ACACA: variants seen among roughly 807,000 people sequenced by gnomAD.
The protein encoded by ACACA is acetyl-CoA carboxylase 1.
ACACA carries 103 observed loss-of-function variants against 296.1 expected under a neutral mutation model. The observed-to-expected ratio is 0.35, with a 90% CI of 0.30 to 0.41. The LOEUF is 0.41. ACACA is among the 10% of genes least tolerant of loss of function. The pLI, the probability that ACACA is intolerant of heterozygous loss-of-function variation, is 1.00. For synonymous variants in ACACA, 953 were observed against 1,038.6 expected, an observed-to-expected ratio of 0.92 and a Z score of 1.58; for missense variants, 1,554 against 2,989.7, an observed-to-expected ratio of 0.52 and a Z score of 11.20.
chr17:37,148,939 T>G (rs565498428), intron 45 of ACACA, among the ~76,000 whole-genome samples: 10 of 152,266 alleles, frequency 6.6e-5, no homozygotes, highest in Middle Eastern at 6.8e-3. Context: ...CTTTGACAGA[T>G]AAGAAAGCTG....
Position 37,086,980 on chromosome 17 carries a change from T to C in ACACA, c.*336A>G. Reference sequence around the variant, plus strand: ...CCCATGCTGGGAGGCCAAGGGGCTGTCAGGACAGGAGGGGCAGCCCTACTT... The same window carrying C: ...CCCATGCTGGGAGGCCAAGGGGCTGCCAGGACAGGAGGGGCAGCCCTACTT... On this transcript the variant is annotated 3_prime_UTR_variant, in exon 56 of 56. Transcript: ENST00000616317. 1 of 386,570 alleles carries C rather than the reference T, an allele frequency of 2.6e-6. No homozygotes were observed. The highest frequency in any genetic ancestry group is 4.9e-6 in the Non-Finnish European group (1 of 202,838). 23.9% of individuals were successfully genotyped at this position (386,570 alleles called of 1,614,324 possible). A position where few individuals can be genotyped will look rare whatever the true frequency, so the allele number is the denominator to read the frequency against.
At position 37,263,909 on chromosome 17, in the gene ACACA, G is replaced by T; in HGVS notation, c.1120-15C>A. ...TCAGCTTGAACCTGTATTAGAAAAGGGGGAAAAAAAAAACCAATTCTTAAA... is the reference window on the plus strand; with the variant it reads ...TCAGCTTGAACCTGTATTAGAAAAGTGGGAAAAAAAAAACCAATTCTTAAA... On this transcript the variant is annotated splice_polypyrimidine_tract_variant and intron_variant, in intron 10 of 55. Transcript: ENST00000616317. 6.2e-7 allele frequency: 1 copy of T among 1,604,898 alleles called. No individual in the cohort carries two copies.
At chr17:37,121,886 T>C (rs868557636) in intron 49 of ACACA, among the ~76,000 whole-genome samples, 12 of 152,194 alleles carry the variant, frequency 7.9e-5, no homozygotes, top group Admixed American at 1.3e-4. Flanking sequence ...GGCTAACAAA[T>C]AGACAATTGA....
At chr17:37,140,835 T>C (rs2075541679) in intron 45 of ACACA, 1 of 246,180 alleles carries the variant, frequency 4.1e-6, no homozygotes, top group East Asian at 1.2e-4. Flanking sequence ...CAGTCATCAA[T>C]ACTGGCCATC....
At chr17:37,350,516 T>C (rs943507587) in intron 1 of ACACA, among the ~76,000 whole-genome samples, 4 of 151,942 alleles carry the variant, frequency 2.6e-5, no homozygotes, top group Non-Finnish European at 4.4e-5. Flanking sequence ...CGAGACCCTG[T>C]CTCGAAAACA....
At chr17:37,332,946 TG>T (rs1227814181) in intron 2 of ACACA, among the ~76,000 whole-genome samples, 1 of 151,938 alleles carries the variant, frequency 6.6e-6, no homozygotes. Flanking sequence ...AATTCCCAAT[TG>T]TGGACCTTTT....
chr17:37,387,672 C>T (rs1040722650), intron 1 of ACACA: 3 of 152,004 alleles, frequency 2.0e-5, no homozygotes, highest in African/African-American at 7.3e-5. Flanking sequence ...TCTCAAACTC[C>T]TGACCTCAAG....
intron 48 of ACACA, among the ~76,000 whole-genome samples, chr17:37,123,604 T>C (rs1043482055): frequency 5.3e-5 from 8 of 152,162 alleles, no homozygotes; most frequent in Non-Finnish European, 1.2e-4. Flanking sequence ...GGCCTTTGGT[T>C]GTTAAATTGG....
intron 36 of ACACA, among the ~76,000 whole-genome samples, chr17:37,192,731 A>AT (rs1421104554): frequency 1.3e-5 from 2 of 152,328 alleles, no homozygotes; most frequent in East Asian, 3.9e-4. Flanking sequence ...CTCACTTATG[A>AT]TAAGTACAAA....
intron 16 of ACACA, among the ~76,000 whole-genome samples, chr17:37,249,400 T>G (rs1002928898): frequency 3.3e-5 from 5 of 152,220 alleles, no homozygotes; most frequent in African/African-American, 1.2e-4. Flanking sequence ...CATAGGGTAA[T>G]TCTATTTTTA....
chr17:37,222,753 G>A (rs1380142671), intron 28 of ACACA, among the ~76,000 whole-genome samples: 1 of 152,184 alleles, frequency 6.6e-6, no homozygotes, highest in Non-Finnish European at 1.5e-5. Context: ...ACAGACTACC[G>A]TGATGTTACA....
At chr17:37,390,330 A>ATATATATATATATCTATATATATATC (rs1386032855) in intron 1 of ACACA, among the ~76,000 whole-genome samples, 1 of 41,592 alleles carries the variant, frequency 2.4e-5, no homozygotes, top group African/African-American at 1.3e-4. Context: ...ATATATATAT[A>ATATATATATATATCTATATATATATC]TATAAAAGGC....
chr17:37,128,768 T>G (rs909494417), intron 47 of ACACA, among the ~76,000 whole-genome samples: 3 of 152,342 alleles, frequency 2.0e-5, no homozygotes, highest in East Asian at 3.8e-4. Flanking sequence ...ACTCCATGTA[T>G]CTATATAATT....
intron 16 of ACACA, among the ~76,000 whole-genome samples, chr17:37,250,270 A>G (rs1439727957): frequency 2.0e-5 from 3 of 152,238 alleles, no homozygotes; most frequent in Admixed American, 2.0e-4. Context: ...CAGAGGTAAG[A>G]GAGAGACTTC....
At chr17:37,150,361 G>T (rs2075985798) in intron 44 of ACACA, among the ~76,000 whole-genome samples, 2 of 152,082 alleles carry the variant, frequency 1.3e-5, no homozygotes, top group South Asian at 4.1e-4. Flanking sequence ...GGCCAACATG[G>T]TGAAACCCTG....
chr17:37,150,439 G>A (rs2075989437), intron 44 of ACACA, among the ~76,000 whole-genome samples: 1 of 152,056 alleles, frequency 6.6e-6, no homozygotes, highest in African/African-American at 2.4e-5. Flanking sequence ...CTACTCGGGA[G>A]GCCAAGGCAG....
At chr17:37,103,504 G>A (rs112483505) in intron 52 of ACACA, among the ~76,000 whole-genome samples, 5 of 152,246 alleles carry the variant, frequency 3.3e-5, no homozygotes, top group African/African-American at 1.2e-4. Context: ...GTGTGTACAC[G>A]TGTGTGAGTG....
chr17:37,355,807 G>A (rs1344595165), intron 1 of ACACA, among the ~76,000 whole-genome samples: 3 of 151,606 alleles, frequency 2.0e-5, no homozygotes, highest in East Asian at 1.9e-4. Context: ...GCGGTGAACC[G>A]AGATTGTATC....
chr17:37,149,645 G>GT (rs1411572698), intron 45 of ACACA, among the ~76,000 whole-genome samples: 1 of 152,182 alleles, frequency 6.6e-6, no homozygotes, highest in Non-Finnish European at 1.5e-5. Flanking sequence ...CTAGAAAACA[G>GT]TAAGTACTCA....
Sources: gnomAD v4.1 joint callset for allele counts (sites outside exome capture counted in the v4.1 genomes callset) on GRCh38, gnomAD v4.1.1 for gene constraint, MANE v1.5 for transcripts, NCBI Gene and HGNC (gene_info 2026-07-23, HGNC 2026-07-21) for gene names.